The following AEBP2 variants were observed in gnomAD, a reference collection of about 807,000 sequenced individuals.
AEBP2 encodes the protein AE binding protein 2, also known as zinc finger protein AEBP2.
Under a neutral mutation model 50.8 loss-of-function variants are expected in AEBP2, and 10 were observed. The ratio of observed to expected loss-of-function variants is 0.20; its 90% CI spans 0.12 to 0.33. AEBP2 has a LOEUF of 0.33. AEBP2 is among the 10% of genes least tolerant of loss of function. The pLI, the probability that AEBP2 is intolerant of heterozygous loss-of-function variation, is 1.00. For synonymous variants in AEBP2, 296 were observed against 261.3 expected (o/e 1.13, Z -1.28); for missense variants, 570 against 688.0 (o/e 0.83, Z 1.92).
At position 19,420,388 on chromosome 12, in the gene AEBP2, C is replaced by T. The variant is rs112862308; in HGVS notation, c.-17+16172C>T. 7.0e-3 allele frequency among the ~76,000 whole-genome samples: 898 copies of T among 128,072 alleles called. 6 individuals are homozygous for T. Among genetic ancestry groups the T allele is most frequent in the African/African-American group, 0.022 (725 of 33,644 alleles). 84.0% of individuals were successfully genotyped at this position (128,072 alleles called of 152,430 possible). ...TCACTCTGTCACCCAGGCTGGAGTA[C>T]GATGGTGCTATCTCGGCTCACTACA... On this transcript the variant is annotated intron_variant, in intron 1 of 3. Coordinates refer to the AEBP2 transcript ENST00000538425.
chr12:19,465,568 T>C (rs549748017), intron 2 of AEBP2, among the ~76,000 whole-genome samples: 1 of 152,144 alleles, frequency 6.6e-6, no homozygotes, highest in African/African-American at 2.4e-5. Flanking sequence ...ATGGTTTGTT[T>C]GTTTGTAGAG....
Position 19,520,306 on chromosome 12 carries a change from C to T in AEBP2, c.*2189C>T, listed in dbSNP as rs961893851. The T allele has an allele frequency of 6.6e-6, 1 of 152,088 alleles. No individual in the cohort carries two copies. 9.4% of individuals were successfully genotyped at this position (152,088 alleles called of 1,614,324 possible). ...CATCTGATATTTTCTATATAGAGCACAGTAAATAAGTTTTTTCATTGTGTA... is the reference window on the plus strand; with the variant it reads ...CATCTGATATTTTCTATATAGAGCATAGTAAATAAGTTTTTTCATTGTGTA... On this transcript the variant is annotated 3_prime_UTR_variant, in exon 8 of 8. Coordinates refer to ENST00000266508, the MANE Select transcript of AEBP2 (RefSeq NM_153207.5).
At chr12:19,453,629 G>T (rs1948206884) in intron 1 of AEBP2, among the ~76,000 whole-genome samples, 1 of 151,342 alleles carries the variant, frequency 6.6e-6, no homozygotes, top group Admixed American at 6.6e-5. Flanking sequence ...TTGCCATGTT[G>T]GCTAGGCTGG....
At chr12:19,514,873 G>C in intron 7 of AEBP2, 89 bp downstream of exon 7, 2 of 943,784 alleles carry the variant, frequency 2.1e-6, no homozygotes, top group South Asian at 1.6e-5. Flanking sequence ...AGTTTTAAGT[G>C]CTGAATTTTA....
chr12:19,442,840 A>G (rs910739116), intron 1 of AEBP2, among the ~76,000 whole-genome samples: 1 of 152,166 alleles, frequency 6.6e-6, no homozygotes, highest in Non-Finnish European at 1.5e-5. Flanking sequence ...TTTGGAAAGG[A>G]TCCCTAATTC....
chr12:19,430,661 A>G (rs1020941328), intron 1 of AEBP2, among the ~76,000 whole-genome samples: 12 of 152,118 alleles, frequency 7.9e-5, no homozygotes, highest in Non-Finnish European at 1.5e-4. Flanking sequence ...ATTGAGCAGT[A>G]GTTTGTAGTT....
intron 7 of AEBP2, among the ~76,000 whole-genome samples, chr12:19,517,394 A>T (rs1266841264): frequency 6.6e-6 from 1 of 152,192 alleles, no homozygotes; most frequent in East Asian, 1.9e-4. Context: ...AATTCAACCA[A>T]CTGCATATCA....
chr12:19,479,619 TA>T (rs1232990463), intron 3 of AEBP2, among the ~76,000 whole-genome samples: 1 of 151,792 alleles, frequency 6.6e-6, no homozygotes, highest in Non-Finnish European at 1.5e-5. Flanking sequence ...AATTATTTTA[TA>T]AATTTGGGAG....
chr12:19,423,212 T>C (rs2095746775), intron 1 of AEBP2, among the ~76,000 whole-genome samples: 1 of 151,472 alleles, frequency 6.6e-6, no homozygotes, highest in Admixed American at 6.6e-5. Flanking sequence ...CAATATATGG[T>C]GAATAAGCTG....
chr12:19,514,233 C>T (rs958501840), intron 6 of AEBP2, among the ~76,000 whole-genome samples: 1 of 151,982 alleles, frequency 6.6e-6, no homozygotes, highest in Admixed American at 6.6e-5. Context: ...CTCCTGGGCT[C>T]AAGTTATCTT....
intron 5 of AEBP2, among the ~76,000 whole-genome samples, chr12:19,510,728 A>C (rs1949220907): frequency 6.6e-6 from 1 of 152,200 alleles, no homozygotes; most frequent in Non-Finnish European, 1.5e-5. Context: ...AATGGTTTGC[A>C]GCTTTTATTT....
chr12:19,447,358 A>T (rs1339495346), intron 1 of AEBP2, among the ~76,000 whole-genome samples: 2 of 152,212 alleles, frequency 1.3e-5, no homozygotes, highest in African/African-American at 4.8e-5. Flanking sequence ...CAATATGGGT[A>T]ATTGTTTACC....
At chr12:19,504,139 ACT>A (rs1189512106) in intron 5 of AEBP2, among the ~76,000 whole-genome samples, 1 of 151,896 alleles carries the variant, frequency 6.6e-6, no homozygotes, top group Non-Finnish European at 1.5e-5. Flanking sequence ...GTTTTTAGTT[ACT>A]GCATAACCAA....
At chr12:19,514,447 A>G (rs2120620140) in intron 6 of AEBP2, among the ~76,000 whole-genome samples, 1 of 152,262 alleles carries the variant, frequency 6.6e-6, no homozygotes, top group Non-Finnish European at 1.5e-5. Flanking sequence ...AAAATGTTTA[A>G]TTTATTCCTC....
upstream of AEBP2, among the ~76,000 whole-genome samples, chr12:19,439,041 T>G (rs1947892194): frequency 6.6e-6 from 1 of 152,212 alleles, no homozygotes; most frequent in African/African-American, 2.4e-5. Context: ...GTTCAGGATG[T>G]CAACATCTCC....
intron 4 of AEBP2, among the ~76,000 whole-genome samples, chr12:19,494,658 G>T (rs971472277): frequency 6.0e-4 from 91 of 151,988 alleles, no homozygotes; most frequent in Admixed American, 1.4e-3. Flanking sequence ...GGGATTACAG[G>T]TGTGAGCCAC....
At chr12:19,409,089 C>T (rs1353867647) in intron 1 of AEBP2, among the ~76,000 whole-genome samples, 1 of 151,900 alleles carries the variant, frequency 6.6e-6, no homozygotes, top group Non-Finnish European at 1.5e-5. Flanking sequence ...AAGTCAGGTA[C>T]CCCCAAAAGA....
rs113142378 is a variant in AEBP2, at chr12:19,453,169, C to T, written c.672-9341C>T. ...TATTTTTAGTAAAGATGGAGTTTCA[C>T]TGTGTTAGCCAGGATGGTCTCGATC... On this transcript the variant is annotated intron_variant, in intron 1 of 7. Coordinates refer to ENST00000266508, the MANE Select transcript of AEBP2 (RefSeq NM_153207.5). Among the ~76,000 whole-genome samples the T allele has an allele frequency of 2.9e-3, 435 of 152,118 alleles. 1 individual carries two copies. Among genetic ancestry groups the T allele is most frequent in the African/African-American group, 9.9e-3 (411 of 41,504 alleles).
At chr12:19,438,333 T>G (rs1947882518), upstream of AEBP2, among the ~76,000 whole-genome samples, 1 of 152,212 alleles carries the variant, frequency 6.6e-6, no homozygotes, top group Admixed American at 6.5e-5. Flanking sequence ...CGAAAGGCAT[T>G]CAAAGAATTG....
Sources: gnomAD v4.1 joint callset for allele counts (sites outside exome capture counted in the v4.1 genomes callset) on GRCh38, gnomAD v4.1.1 for gene constraint, MANE v1.5 for transcripts, NCBI Gene and HGNC (gene_info 2026-07-23, HGNC 2026-07-21) for gene names.